The following SPECC1 variants were observed in gnomAD, a reference collection of about 807,000 sequenced individuals.
SPECC1 encodes cytospin-B.
In SPECC1, 62 loss-of-function variants were observed where a neutral mutation model predicts 104.1. The observed-to-expected ratio is 0.60, with a 90% CI of 0.49 to 0.74. SPECC1 has a LOEUF of 0.74. SPECC1 is among the 30% of genes least tolerant of loss of function. SPECC1 has a pLI of 0.00. For missense variants in SPECC1, 1,306 were observed against 1,310.5 expected (o/e 1.00, Z 0.05); for synonymous variants, 513 against 501.6 (o/e 1.02, Z -0.30).
chr17:20,035,128 A>G (rs945685783), intron 1 of SPECC1, among the ~76,000 whole-genome samples: 3 of 152,126 alleles, frequency 2.0e-5, no homozygotes, highest in African/African-American at 4.8e-5. Context: ...TTAGTTCTCT[A>G]TTTGGTTGCA....
At chr17:20,082,038 C>T (rs555399501) in intron 1 of SPECC1, among the ~76,000 whole-genome samples, 1 of 152,330 alleles carries the variant, frequency 6.6e-6, no homozygotes, top group Non-Finnish European at 1.5e-5. Context: ...AGCCTCAGCT[C>T]TTCAACCTGC....
chr17:20,309,425 A>G (rs2041864696), intron 14 of SPECC1, among the ~76,000 whole-genome samples: 1 of 152,192 alleles, frequency 6.6e-6, no homozygotes, highest in Non-Finnish European at 1.5e-5. Context: ...TTTTAGATTC[A>G]AGGAGTACAT....
intron 13 of SPECC1, chr17:20,305,777 A>G (rs2041741774): frequency 2.3e-6 from 1 of 432,282 alleles, no homozygotes; most frequent in African/African-American, 2.0e-5. Flanking sequence ...AATTACCTAA[A>G]TCTTGACAAA....
chr17:20,233,769 A>G (rs745983069), intron 7 of SPECC1, among the ~76,000 whole-genome samples: 6 of 152,222 alleles, frequency 3.9e-5, no homozygotes, highest in Admixed American at 6.5e-5. Flanking sequence ...AGTGTTCCCT[A>G]CTGAAACAGT....
At chr17:20,210,318 C>G (rs1443952014) in intron 4 of SPECC1, among the ~76,000 whole-genome samples, 1 of 152,222 alleles carries the variant, frequency 6.6e-6, no homozygotes, top group African/African-American at 2.4e-5. Flanking sequence ...TCCCTCCACC[C>G]CGGCCCCAAG....
intron 7 of SPECC1, 43 bp from the exon 8 acceptor site, chr17:20,245,883 A>T (rs755689050): frequency 1.2e-6 from 2 of 1,604,400 alleles, no homozygotes; most frequent in Non-Finnish European, 1.7e-6. Flanking sequence ...TCCCATGGGG[A>T]TGTCCTCCAT....
At chr17:20,081,255 T>C (rs1255819835) in intron 1 of SPECC1, among the ~76,000 whole-genome samples, 2 of 152,146 alleles carry the variant, frequency 1.3e-5, no homozygotes, top group Non-Finnish European at 2.9e-5. Context: ...TTTGGTTTTG[T>C]CCATCCTGTG....
chr17:20,027,938 A>C (rs2044657993), intron 1 of SPECC1, among the ~76,000 whole-genome samples: 1 of 152,006 alleles, frequency 6.6e-6, no homozygotes, highest in Non-Finnish European at 1.5e-5. Context: ...AATTTACCCT[A>C]TTTTACCTTA....
intron 13 of SPECC1, among the ~76,000 whole-genome samples, chr17:20,304,121 A>C (rs936555433): frequency 7.3e-6 from 1 of 137,850 alleles, no homozygotes; most frequent in African/African-American, 2.9e-5. Context: ...AAAATACAAA[A>C]AAAAAAAAAA....
intron 9 of SPECC1, among the ~76,000 whole-genome samples, chr17:20,252,494 A>G (rs1567985453): frequency 6.6e-6 from 1 of 151,190 alleles, no homozygotes; most frequent in Non-Finnish European, 1.5e-5. Context: ...CCTGACTGAA[A>G]CTCTGTATCC....
At chr17:20,236,634 G>GTAC (rs947621619) in intron 7 of SPECC1, among the ~76,000 whole-genome samples, 2 of 143,950 alleles carry the variant, frequency 1.4e-5, no homozygotes, top group Non-Finnish European at 3.0e-5. Context: ...GAGGAGCCTA[G>GTAC]TACAGGCATT....
chr17:20,098,077 C>T (rs1057120697), intron 2 of SPECC1, among the ~76,000 whole-genome samples: 2 of 152,170 alleles, frequency 1.3e-5, no homozygotes, highest in African/African-American at 4.8e-5. Context: ...TCCAAATTTG[C>T]ATCTCCAGCT....
At chr17:20,069,757 C>T (rs996606906) in intron 1 of SPECC1, among the ~76,000 whole-genome samples, 1 of 152,172 alleles carries the variant, frequency 6.6e-6, no homozygotes, top group Admixed American at 6.5e-5. Flanking sequence ...TTTTCAATGA[C>T]ATTTTGTAGT....
intron 1 of SPECC1, among the ~76,000 whole-genome samples, chr17:20,038,726 C>T (rs2045201757): frequency 6.6e-6 from 1 of 152,214 alleles, no homozygotes; most frequent in African/African-American, 2.4e-5. Context: ...AGTTTATTTC[C>T]CTTAAGAAAT....
At chr17:20,112,025 G>C (rs1031934160) in intron 3 of SPECC1, 6 of 771,404 alleles carry the variant, frequency 7.8e-6, no homozygotes, top group Non-Finnish European at 1.2e-5. Flanking sequence ...GTGTGAAGGA[G>C]AGCCATTTAT....
At chr17:20,159,904 G>T (rs956354204) in intron 3 of SPECC1, among the ~76,000 whole-genome samples, 1 of 152,158 alleles carries the variant, frequency 6.6e-6, no homozygotes, top group Non-Finnish European at 1.5e-5. Context: ...TGCTTAGAGA[G>T]TTGAGTGGGC....
At chr17:20,248,231 C>T (rs2039496680) in intron 9 of SPECC1, among the ~76,000 whole-genome samples, 1 of 152,144 alleles carries the variant, frequency 6.6e-6, no homozygotes, top group Admixed American at 6.5e-5. Context: ...CCTTACACTC[C>T]CTTGCACCTT....
At chr17:20,103,869 A>G (rs1001260263) in intron 2 of SPECC1, among the ~76,000 whole-genome samples, 2 of 152,138 alleles carry the variant, frequency 1.3e-5, no homozygotes, top group African/African-American at 4.8e-5. Context: ...AGGTGTTCCC[A>G]TATTCTAAGG....
intron 2 of SPECC1, among the ~76,000 whole-genome samples, chr17:20,103,090 T>A (rs2048018719): frequency 6.6e-6 from 1 of 152,186 alleles, no homozygotes; most frequent in African/African-American, 2.4e-5. Context: ...TGGTCTGTAT[T>A]TTCAGCCCTT....
Sources: gnomAD v4.1 joint callset for allele counts (sites outside exome capture counted in the v4.1 genomes callset) on GRCh38, gnomAD v4.1.1 for gene constraint, MANE v1.5 for transcripts, NCBI Gene and HGNC (gene_info 2026-07-23, HGNC 2026-07-21) for gene names.